Variants in PTPRT observed in about 807,000 individuals in gnomAD.
PTPRT encodes the protein receptor-type tyrosine-protein phosphatase T.
A neutral mutation model predicts 176.8 loss-of-function variants in PTPRT; 56 were observed. That is an observed-to-expected ratio of 0.32 (90% CI 0.26 to 0.40). The LOEUF is 0.40. Among genes scored for constraint, PTPRT ranks in the 10% least tolerant of loss-of-function variants. PTPRT has a pLI of 1.00. For synonymous variants in PTPRT, 783 were observed against 739.0 expected (o/e 1.06, Z -0.96); for missense variants, 1,540 against 1,908.2 (o/e 0.81, Z 3.60).
intron 2 of PTPRT, among the ~76,000 whole-genome samples, chr20:42,860,730 T>C (rs2078646249): frequency 2.6e-5 from 4 of 152,226 alleles, no homozygotes; most frequent in Admixed American, 2.6e-4. Context: ...CTAGTCACCT[T>C]ATTAGACTCT....
At chr20:42,116,044 CG>C in intron 21 of PTPRT, 1 of 723,786 alleles carries the variant, frequency 1.4e-6, no homozygotes, top group South Asian at 1.5e-5. Flanking sequence ...ATTACCATTC[CG>C]GGGGACGCCG....
intron 2 of PTPRT, among the ~76,000 whole-genome samples, chr20:42,845,081 G>C (rs1255967515): frequency 2.0e-5 from 3 of 152,176 alleles, no homozygotes; most frequent in African/African-American, 4.8e-5. Flanking sequence ...GGGAGAAGGG[G>C]GCTGCCTAAG....
At chr20:42,929,004 C>T (rs1453506085) in intron 1 of PTPRT, among the ~76,000 whole-genome samples, 1 of 152,224 alleles carries the variant, frequency 6.6e-6, no homozygotes, top group Non-Finnish European at 1.5e-5. Flanking sequence ...ACAGAACATA[C>T]CCCCTGCTTT....
intron 2 of PTPRT, among the ~76,000 whole-genome samples, chr20:42,885,051 C>A (rs971288217): frequency 1.3e-5 from 2 of 151,564 alleles, no homozygotes; most frequent in Non-Finnish European, 2.9e-5. Flanking sequence ...ATCAAGAATT[C>A]ACACTAGGCC....
intron 15 of PTPRT, among the ~76,000 whole-genome samples, chr20:42,226,617 G>A (rs2056017694): frequency 6.6e-6 from 1 of 152,158 alleles, no homozygotes; most frequent in Non-Finnish European, 1.5e-5. Context: ...TGCATCTCAG[G>A]ATCCCATCTT....
intron 9 of PTPRT, among the ~76,000 whole-genome samples, chr20:42,421,976 G>T (rs1422832703): frequency 2.0e-5 from 3 of 152,166 alleles, no homozygotes; most frequent in African/African-American, 7.2e-5. Context: ...TTCAATAAAT[G>T]GTGCTGGGAT....
At position 42,756,673 on chromosome 20, in the gene PTPRT, T is replaced by C. The variant is rs769728978; in HGVS notation, c.685-37A>G. The C allele has an allele frequency of 4.0e-6, 6 of 1,501,038 alleles. No individual in the cohort carries two copies. In the African/African-American group the frequency reaches 4.2e-5, roughly 10 times the overall value. The allele number at this position is 1,501,038 out of a possible 1,614,324, so 93.0% of individuals were successfully genotyped here. A position where few individuals can be genotyped will look rare whatever the true frequency, so the allele number is the denominator to read the frequency against. ...AGGAAGAGAGGGAGAGGAGGAATCA[T>C]AGCATCATAGGCTTCTAGGTGACTC... On this transcript the variant is annotated intron_variant, in intron 5 of 30. Coordinates refer to ENST00000373187, the MANE Select transcript of PTPRT (RefSeq NM_007050.6).
intron 1 of PTPRT, among the ~76,000 whole-genome samples, chr20:43,161,605 G>T (rs6103177): frequency 0.017 from 2,561 of 152,248 alleles, 46 homozygotes; most frequent in South Asian, 0.078. Flanking sequence ...CGCTCCAAAT[G>T]CCAAGGAACC....
At chr20:42,913,407 C>T (rs1333455737) in intron 1 of PTPRT, among the ~76,000 whole-genome samples, 5 of 152,130 alleles carry the variant, frequency 3.3e-5, no homozygotes, top group Admixed American at 2.6e-4. Context: ...CACTCCAATC[C>T]TTCATCTTTC....
rs1025405225 is a variant in PTPRT, at chr20:42,074,856, C to A, written c.*6023G>T. ...AGACATCTCTATAGTCAGTGCCATG[C>A]AAAAGCCCATCCCTGGTTACTAAAA... On this transcript the variant is annotated 3_prime_UTR_variant, in exon 31 of 31. Coordinates refer to ENST00000373187, the MANE Select transcript of PTPRT (RefSeq NM_007050.6). 1 of 398,636 alleles carries A rather than the reference C, an allele frequency of 2.5e-6. No individual in the cohort carries two copies. The allele number at this position is 398,636 out of a possible 1,614,324, so 24.7% of individuals were successfully genotyped here. A position where few individuals can be genotyped will look rare whatever the true frequency, so the allele number is the denominator to read the frequency against.
intron 1 of PTPRT, among the ~76,000 whole-genome samples, chr20:42,992,884 T>C (rs536761984): frequency 6.6e-6 from 1 of 152,294 alleles, no homozygotes; most frequent in East Asian, 1.9e-4. Flanking sequence ...TCATGTGGAC[T>C]AGTTAGGGCT....
At chr20:42,137,523 G>A (rs1988433676) in intron 18 of PTPRT, among the ~76,000 whole-genome samples, 1 of 152,118 alleles carries the variant, frequency 6.6e-6, no homozygotes, top group East Asian at 1.9e-4. Flanking sequence ...TAAGGAATAT[G>A]TGCCACCCTA....
chr20:42,534,585 G>A (rs1391418041), intron 7 of PTPRT, among the ~76,000 whole-genome samples: 2 of 152,052 alleles, frequency 1.3e-5, no homozygotes, highest in Admixed American at 6.5e-5. Context: ...GCAGTGAGCC[G>A]AGATCACGCC....
chr20:42,764,532 C>T (rs573657531), intron 5 of PTPRT, among the ~76,000 whole-genome samples: 77 of 152,232 alleles, frequency 5.1e-4, no homozygotes, highest in South Asian at 1.7e-3. Context: ...GAAGGAAAGG[C>T]TGGAGTGTAA....
chr20:42,454,482 C>T (rs929205457), intron 8 of PTPRT, among the ~76,000 whole-genome samples: 5 of 152,058 alleles, frequency 3.3e-5, no homozygotes, highest in African/African-American at 7.2e-5. Context: ...CCTACTCCTC[C>T]GCATCTTTAT....
chr20:42,723,834 A>T (rs984725998), intron 6 of PTPRT, among the ~76,000 whole-genome samples: 1 of 152,220 alleles, frequency 6.6e-6, no homozygotes, highest in Non-Finnish European at 1.5e-5. Context: ...CTGTGATTTG[A>T]AAGCCAAAGG....
intron 17 of PTPRT, among the ~76,000 whole-genome samples, chr20:42,147,434 A>G (rs1378035390): frequency 6.6e-6 from 1 of 152,104 alleles, no homozygotes; most frequent in African/African-American, 2.4e-5. Context: ...TCACTTTTGG[A>G]CAGACTCACC....
chr20:42,042,079 C>T, the PTPRT span, among the ~76,000 whole-genome samples: 2 of 152,172 alleles, frequency 1.3e-5, no homozygotes, highest in Non-Finnish European at 2.9e-5. Context: ...TGCCCCATGG[C>T]TTCATCCAGC....
At chr20:42,094,751 G>C (rs368428741) in intron 27 of PTPRT, among the ~76,000 whole-genome samples, 1 of 152,174 alleles carries the variant, frequency 6.6e-6, no homozygotes, top group Non-Finnish European at 1.5e-5. Context: ...TTAGCTGGCT[G>C]TGGTGGCTCA....
Sources: allele counts gnomAD v4.1 joint callset (sites outside exome capture counted in the v4.1 genomes callset), GRCh38; gene constraint gnomAD v4.1.1; transcripts MANE v1.5; gene names NCBI Gene and HGNC (gene_info 2026-07-23, HGNC 2026-07-21).